The following NAV1 variants were observed in gnomAD, a reference collection of about 807,000 sequenced individuals.
NAV1 encodes pore membrane and/or filament interacting like protein 3.
NAV1 carries 18 observed loss-of-function variants against 175.2 expected under a neutral mutation model. The observed-to-expected ratio is 0.10, with a 90% CI of 0.07 to 0.15. NAV1 has a LOEUF of 0.15. NAV1 is among the 10% of genes least tolerant of loss of function. The probability of loss-of-function intolerance (pLI) is 1.00; values close to 1 mark genes in which losing one functional copy is unlikely to be tolerated. For synonymous variants in NAV1, 897 were observed against 978.7 expected (o/e 0.92, Z 1.56); for missense variants, 1,731 against 2,436.6 (o/e 0.71, Z 6.10).
chr1:201,708,891 G>A (rs1309485731), intron 1 of NAV1, among the ~76,000 whole-genome samples: 1 of 152,126 alleles, frequency 6.6e-6, no homozygotes, highest in East Asian at 1.9e-4. Context: ...GCACACACCT[G>A]TAATCCCAGC....
chr1:201,689,641 C>A (rs919534529), intron 1 of NAV1, among the ~76,000 whole-genome samples: 1 of 152,156 alleles, frequency 6.6e-6, no homozygotes. Flanking sequence ...TACATAAGCC[C>A]TGACTCTAGG....
chr1:201,756,809 CTTCTTTCTTTCTTTCTTTCTTTCT>C (rs534285799), intron 3 of NAV1, among the ~76,000 whole-genome samples: 6 of 26,940 alleles, frequency 2.2e-4, no homozygotes, highest in South Asian at 1.2e-3. Context: ...TCTTTCTTTC[CTTCTTTCTTTCTTTCTTTCTTTCT>C]TTCTTTCTTT....
chr1:201,656,820 C>A (rs937538995), intron 1 of NAV1, among the ~76,000 whole-genome samples: 2 of 152,228 alleles, frequency 1.3e-5, no homozygotes, highest in Non-Finnish European at 2.9e-5. Flanking sequence ...CAGCTTCCCC[C>A]AAACAGACCC....
intron 1 of NAV1, among the ~76,000 whole-genome samples, chr1:201,700,295 C>T (rs936110923): frequency 6.6e-6 from 1 of 152,154 alleles, no homozygotes. Flanking sequence ...AGACACTTCT[C>T]GAAAGAAGAC....
At chr1:201,822,758 T>C (rs951698354) in exon 30 of NAV1, 6 of 152,694 alleles carry the variant, frequency 3.9e-5, no homozygotes, top group African/African-American at 1.4e-4. Flanking sequence ...GCTTTCCCTC[T>C]GGAGCCTGGG....
chr1:201,668,693 C>G (rs1669922406), intron 1 of NAV1, among the ~76,000 whole-genome samples: 1 of 152,088 alleles, frequency 6.6e-6, no homozygotes, highest in Non-Finnish European at 1.5e-5. Context: ...CGAGAGCCAC[C>G]TCTGTAGTGT....
intron 2 of NAV1, among the ~76,000 whole-genome samples, chr1:201,590,891 G>T (rs894481404): frequency 5.3e-5 from 8 of 152,212 alleles, no homozygotes; most frequent in Non-Finnish European, 1.5e-5. Flanking sequence ...GATGACTGAG[G>T]ATCGCAGACA....
chr1:201,542,726 T>A (rs1439975809), intron 1 of NAV1, among the ~76,000 whole-genome samples: 2 of 152,208 alleles, frequency 1.3e-5, no homozygotes, highest in Non-Finnish European at 2.9e-5. Flanking sequence ...CCATCAAATC[T>A]ATTTGCTCTA....
At chr1:201,679,999 G>A (rs1670400971) in intron 1 of NAV1, among the ~76,000 whole-genome samples, 1 of 152,160 alleles carries the variant, frequency 6.6e-6, no homozygotes, top group Non-Finnish European at 1.5e-5. Context: ...ATGTATGTTA[G>A]TCTGTTCTGC....
At position 201,807,693 on chromosome 1, in the gene NAV1, AG is replaced by A. The variant is rs1678388209; in HGVS notation, c.3649-259del. ...TTCCTTTCTTTCTTTCTTTCTTTTGAGATGGAGTCTCACTCTGTTGCCAGGC... is the reference window on the plus strand; with the variant it reads ...TTCCTTTCTTTCTTTCTTTCTTTTGAATGGAGTCTCACTCTGTTGCCAGGC... On this transcript the variant is annotated intron_variant, in intron 17 of 29. Transcript: ENST00000367296. The surrounding 1 kb of genome is among the most constrained non-coding windows in gnomAD (Gnocchi z 5.4). 6.6e-6 allele frequency among the ~76,000 whole-genome samples: 1 copy of A among 152,152 alleles called. No homozygotes were observed. The highest frequency in any genetic ancestry group is 6.5e-5 in the Admixed American group (1 of 15,282).
intron 2 of NAV1, among the ~76,000 whole-genome samples, chr1:201,641,219 T>C (rs1386943672): frequency 6.6e-6 from 1 of 152,136 alleles, no homozygotes; most frequent in African/African-American, 2.4e-5. Flanking sequence ...ATTTGGCCAA[T>C]AGCAAATTCT....
chr1:201,770,631 T>C (rs1260752024), intron 3 of NAV1, among the ~76,000 whole-genome samples: 2 of 152,212 alleles, frequency 1.3e-5, no homozygotes, highest in African/African-American at 4.8e-5. Context: ...AATACATGGC[T>C]GTTTTCCTCC....
chr1:201,541,330 A>T (rs1438833927), intron 1 of NAV1, among the ~76,000 whole-genome samples: 2 of 152,148 alleles, frequency 1.3e-5, no homozygotes, highest in African/African-American at 4.8e-5. Context: ...CCATTTATTC[A>T]TTCTTTGGGA....
At chr1:201,755,286 T>A (rs532661582) in intron 3 of NAV1, among the ~76,000 whole-genome samples, 2 of 152,164 alleles carry the variant, frequency 1.3e-5, no homozygotes, top group East Asian at 3.9e-4. Flanking sequence ...ACAAAAAATT[T>A]AAAAATTAGC....
Position 201,590,368 on chromosome 1 carries a change from T to G in NAV1, c.-33+1719T>G, listed in dbSNP as rs563399852. 1.1e-4 allele frequency among the ~76,000 whole-genome samples: 17 copies of G among 152,310 alleles called. 1 individual carries two copies. The South Asian group carries it at 3.5e-3, about 32-fold the overall frequency. ...CGCCTCTCAGTTCCATTCCAAAATC[T>G]CCCCAGCTAGGTAGTTCCTGCCTTA... On this transcript the variant is annotated intron_variant, in intron 2 of 33. Coordinates refer to the NAV1 transcript ENST00000685211.
intron 3 of NAV1, among the ~76,000 whole-genome samples, chr1:201,747,463 C>T (rs1369940836): frequency 6.6e-6 from 1 of 152,156 alleles, no homozygotes; most frequent in Admixed American, 6.5e-5. Flanking sequence ...CTCAAAGGCC[C>T]TGAAGGAGAA....
intron 2 of NAV1, among the ~76,000 whole-genome samples, chr1:201,597,375 C>T (rs956323618): frequency 1.9e-4 from 29 of 152,238 alleles, no homozygotes; most frequent in African/African-American, 5.1e-4. Context: ...CCAAATACCC[C>T]CCTACACTCT....
intron 3 of NAV1, among the ~76,000 whole-genome samples, chr1:201,731,397 G>A (rs753239153): frequency 1.3e-5 from 2 of 151,884 alleles, no homozygotes; most frequent in African/African-American, 2.4e-5. Context: ...GAGAGGTGGA[G>A]GGACCCCTCC....
chr1:201,540,112 G>A (rs1194296505), intron 1 of NAV1, among the ~76,000 whole-genome samples: 6 of 152,216 alleles, frequency 3.9e-5, no homozygotes, highest in Non-Finnish European at 2.9e-5. Context: ...AGTTTGCAGC[G>A]GGCAGAGGGG....
Sources: allele counts gnomAD v4.1 joint callset (sites outside exome capture counted in the v4.1 genomes callset), GRCh38; gene constraint gnomAD v4.1.1; non-coding constraint Gnocchi (gnomAD v3.1); transcripts MANE v1.5; gene names NCBI Gene and HGNC (gene_info 2026-07-23, HGNC 2026-07-21).